PARD3B: variants seen among roughly 807,000 people sequenced by gnomAD.
PARD3B encodes the protein par-3 family cell polarity regulator beta.
Under a neutral mutation model 130.2 loss-of-function variants are expected in PARD3B, and 103 were observed. The observed-to-expected ratio is 0.79, with a 90% CI of 0.67 to 0.93. PARD3B has a LOEUF of 0.93. Among genes scored for constraint, PARD3B ranks in the 40% least tolerant of loss-of-function variants. The probability of loss-of-function intolerance (pLI) is 0.00; values close to 1 mark genes in which losing one functional copy is unlikely to be tolerated. For synonymous variants in PARD3B, 583 were observed against 553.2 expected (o/e 1.05, Z -0.76); for missense variants, 1,609 against 1,499.2 (o/e 1.07, Z -1.21).
At chr2:205,252,853 C>CCCAAA (rs2039916027) in intron 16 of PARD3B, among the ~76,000 whole-genome samples, 6 of 80,456 alleles carry the variant, frequency 7.5e-5, no homozygotes, top group Non-Finnish European at 9.7e-5. Flanking sequence ...CCCCCCCCAC[C>CCCAAA]AAAAAAAAAA....
chr2:204,846,926 TAG>T (rs2044485459), intron 2 of PARD3B, among the ~76,000 whole-genome samples: 1 of 151,914 alleles, frequency 6.6e-6, no homozygotes, highest in South Asian at 2.1e-4. Flanking sequence ...AGGAGATAAT[TAG>T]AGTCGTAGAC....
At chr2:205,538,337 A>G (rs1335760382) in intron 21 of PARD3B, among the ~76,000 whole-genome samples, 1 of 152,222 alleles carries the variant, frequency 6.6e-6, no homozygotes, top group Non-Finnish European at 1.5e-5. Context: ...GAGAGTTTAC[A>G]GGGATGAAGG....
chr2:205,124,331 T>C lies in PARD3B; in HGVS notation c.1170T>C (p.Pro390=). 6.4e-7 allele frequency: 1 copy of C among 1,561,744 alleles called. No individual in the cohort carries two copies. The highest frequency in any genetic ancestry group is 8.7e-7 in the Non-Finnish European group (1 of 1,152,740). The change falls in exon 9 of 23, where the codon CCT becomes CCC. Residue 390 remains proline (P), a synonymous_variant. Coordinates refer to ENST00000406610, the MANE Select transcript of PARD3B (RefSeq NM_001302769.2). ...TTTCCTGTTCTTATACACTAGGCCC[T>C]GAAGGACTTGGTTTCACTGTGGTTA... is the stretch of plus-strand genomic sequence containing the variant. The part of the protein sequence containing the change: ...KKIKIDLKKG[P]EGLGFTVVTR...
At chr2:205,224,227 C>T (rs556093868) in intron 15 of PARD3B, among the ~76,000 whole-genome samples, 5 of 146,198 alleles carry the variant, frequency 3.4e-5, no homozygotes, top group African/African-American at 1.0e-4. Context: ...AAAAATTAGC[C>T]GGGCATGGTG....
intron 10 of PARD3B, among the ~76,000 whole-genome samples, chr2:205,144,484 T>C (rs1402927053): frequency 1.3e-5 from 2 of 152,206 alleles, no homozygotes; most frequent in African/African-American, 2.4e-5. Flanking sequence ...CTTCAATTTG[T>C]TTGTAGTATG....
At chr2:205,388,380 T>A (rs2045736550) in intron 18 of PARD3B, among the ~76,000 whole-genome samples, 1 of 152,184 alleles carries the variant, frequency 6.6e-6, no homozygotes, top group Admixed American at 6.5e-5. Flanking sequence ...AGAATAGTAG[T>A]TTCACAGTCT....
At chr2:204,903,851 A>G (rs2046953242) in intron 2 of PARD3B, among the ~76,000 whole-genome samples, 2 of 152,202 alleles carry the variant, frequency 1.3e-5, no homozygotes, top group Admixed American at 6.5e-5. Context: ...TTCAGTTTCT[A>G]TAGAACCTTC....
At chr2:205,363,985 C>T (rs2044501029) in intron 18 of PARD3B, among the ~76,000 whole-genome samples, 1 of 151,718 alleles carries the variant, frequency 6.6e-6, no homozygotes, top group South Asian at 2.1e-4. Flanking sequence ...CTCTTTTCCT[C>T]CCATCTCCCA....
intron 14 of PARD3B, among the ~76,000 whole-genome samples, chr2:205,188,612 C>T (rs955672974): frequency 5.3e-5 from 8 of 152,000 alleles, no homozygotes; most frequent in Admixed American, 1.3e-4. Context: ...AGTCTTAAGC[C>T]TTGAAACTCT....
chr2:205,537,650 G>C (rs1471493672), intron 21 of PARD3B, among the ~76,000 whole-genome samples: 1 of 152,142 alleles, frequency 6.6e-6, no homozygotes. Flanking sequence ...TCAGTAGTTG[G>C]AGATGGACTC....
At chr2:205,381,524 C>G (rs1176558460) in intron 18 of PARD3B, among the ~76,000 whole-genome samples, 2 of 151,708 alleles carry the variant, frequency 1.3e-5, no homozygotes, top group East Asian at 3.9e-4. Context: ...ACTAATTTGT[C>G]TCCTCTAGTT....
chr2:205,574,176 CT>C (rs2053659435), intron 22 of PARD3B, among the ~76,000 whole-genome samples: 1 of 152,166 alleles, frequency 6.6e-6, no homozygotes, highest in Admixed American at 6.5e-5. Flanking sequence ...AACCAGTAAC[CT>C]TGTGGCAACT....
At chr2:205,357,227 C>T (rs1248957005) in intron 18 of PARD3B, among the ~76,000 whole-genome samples, 1 of 152,162 alleles carries the variant, frequency 6.6e-6, no homozygotes, top group Non-Finnish European at 1.5e-5. Context: ...CATAATTAGC[C>T]TTAAATAGTT....
chr2:205,388,709 GA>G (rs199770389), intron 18 of PARD3B, among the ~76,000 whole-genome samples: 69 of 151,208 alleles, frequency 4.6e-4, no homozygotes, highest in Middle Eastern at 3.4e-3. Context: ...CTATTTCTAT[GA>G]AAAAAAAACT....
At chr2:205,412,837 T>A (rs1212540322) in intron 19 of PARD3B, among the ~76,000 whole-genome samples, 1 of 152,174 alleles carries the variant, frequency 6.6e-6, no homozygotes, top group Non-Finnish European at 1.5e-5. Context: ...TCAAACTACC[T>A]AAGTTGGAAG....
In PARD3B at chr2:205,230,764, C is replaced by T. The variant is rs746862991; in HGVS notation, c.2141-15014C>T. On this transcript the variant is annotated intron_variant, in intron 15 of 22. Transcript: ENST00000406610. This position sits in a 1 kb window ranked among gnomAD's most constrained non-coding sequence, Gnocchi z 4.1. ...TTCAAGTCTGTTTAGGACCCCAGAGCGCTTTAGCCTGCAGTGCCAAGGCTT... is the reference window on the plus strand; with the variant it reads ...TTCAAGTCTGTTTAGGACCCCAGAGTGCTTTAGCCTGCAGTGCCAAGGCTT... Among the ~76,000 whole-genome samples the T allele has an allele frequency of 1.6e-4, 24 of 152,168 alleles. 1 individual carries two copies. Among genetic ancestry groups the T allele is most frequent in the Admixed American group, 1.4e-3 (21 of 15,272 alleles).
rs138390138 is a variant in PARD3B at position 204,750,595 on chromosome 2, C to CACATACATACATACAT, written c.222+64337_222+64352dup. Among the ~76,000 whole-genome samples, 9 of 149,668 alleles carry CACATACATACATACAT rather than the reference C, an allele frequency of 6.0e-5. No individual in the cohort carries two copies. In the East Asian group the frequency reaches 1.8e-3, roughly 30 times the overall value. ...AGTGAAACGCTGTTTCAAAAATACACACATACATACATACATACATACATA... is the reference window on the plus strand; with the variant it reads ...AGTGAAACGCTGTTTCAAAAATACACACATACATACATACATACATACATACATACATACATACATA... On this transcript the variant is annotated intron_variant, in intron 2 of 22. Transcript: ENST00000406610.
At chr2:204,770,765 T>C in intron 2 of PARD3B, among the ~76,000 whole-genome samples, 1 of 151,984 alleles carries the variant, frequency 6.6e-6, no homozygotes, top group South Asian at 2.1e-4. Flanking sequence ...TTACACCCCA[T>C]CCTCTGCTCA....
At chr2:204,856,958 G>T (rs1359802121) in intron 2 of PARD3B, among the ~76,000 whole-genome samples, 1 of 152,042 alleles carries the variant, frequency 6.6e-6, no homozygotes, top group Non-Finnish European at 1.5e-5. Context: ...TTTTAGATCA[G>T]TGTGTAATGC....
Sources: gnomAD v4.1 joint callset for allele counts (sites outside exome capture counted in the v4.1 genomes callset) on GRCh38, gnomAD v4.1.1 for gene constraint, Gnocchi (gnomAD v3.1) non-coding constraint, MANE v1.5 for transcripts, NCBI Gene and HGNC (gene_info 2026-07-23, HGNC 2026-07-21) for gene names.